The following CETN3 variants were observed in gnomAD, a reference collection of about 807,000 sequenced individuals.
CETN3 encodes centrin-3.
In CETN3, 17 loss-of-function variants were observed where a neutral mutation model predicts 20.1. That is an observed-to-expected ratio of 0.85 (90% CI 0.58 to 1.27). The LOEUF (loss-of-function observed/expected upper bound fraction) is 1.27. Among genes scored for constraint, CETN3 ranks in the 50% most tolerant of loss-of-function variants. The pLI is 0.00. For synonymous variants in CETN3, 52 were observed against 59.7 expected (o/e 0.87, Z 0.59); for missense variants, 169 against 191.2 (o/e 0.88, Z 0.69).
chr5:90,400,826 T>C (rs977058491), intron 3 of CETN3, among the ~76,000 whole-genome samples: 11 of 152,158 alleles, frequency 7.2e-5, no homozygotes, highest in Admixed American at 5.9e-4. Flanking sequence ...CTAATTGAAG[T>C]ATATTACTGT....
At chr5:90,403,333 T>C (rs756414161) in intron 3 of CETN3, among the ~76,000 whole-genome samples, 6 of 152,208 alleles carry the variant, frequency 3.9e-5, no homozygotes, top group Non-Finnish European at 7.3e-5. Flanking sequence ...AGTTCCTGAA[T>C]GATTCCCAAA....
intron 4 of CETN3, among the ~76,000 whole-genome samples, chr5:90,397,928 A>C (rs1749174301): frequency 6.6e-6 from 1 of 152,148 alleles, no homozygotes; most frequent in Non-Finnish European, 1.5e-5. Flanking sequence ...GCTAATATCC[A>C]ATATAGTAGC....
At chr5:90,407,446 T>C (rs974728093) in intron 2 of CETN3, among the ~76,000 whole-genome samples, 2 of 152,054 alleles carry the variant, frequency 1.3e-5, no homozygotes, top group Non-Finnish European at 2.9e-5. Flanking sequence ...CAGTGAAAAA[T>C]AAGCACCTTC....
At chr5:90,401,674 A>G (rs962614268) in intron 3 of CETN3, among the ~76,000 whole-genome samples, 15 of 152,286 alleles carry the variant, frequency 9.8e-5, no homozygotes, top group Non-Finnish European at 2.1e-4. Flanking sequence ...CCAGTTAGAC[A>G]TGTTGGACTC....
At chr5:90,396,493 C>A (rs1003813649) in intron 4 of CETN3, 15 of 1,532,048 alleles carry the variant, frequency 9.8e-6, no homozygotes, top group Non-Finnish European at 1.3e-5. Context: ...CAGTGTGCAC[C>A]TTCACTGAAG....
intron 2 of CETN3, among the ~76,000 whole-genome samples, chr5:90,406,356 G>A (rs998893014): frequency 2.0e-5 from 3 of 151,900 alleles, no homozygotes; most frequent in African/African-American, 7.2e-5. Flanking sequence ...AAGGATAGAT[G>A]AAGAGGAGCA....
At position 90,409,626 on chromosome 5, in the gene CETN3, C is replaced by T. The variant is rs1394608546; in HGVS notation, c.17+19G>A. ...CCGCTCCGGGGTGTGGAGAGCACTG[C>T]CGCCTCCTTATTACCGACCTCAGAG... On this transcript the variant is annotated intron_variant, in intron 1 of 4. Coordinates refer to ENST00000283122, the MANE Select transcript of CETN3 (RefSeq NM_004365.4). The T allele has an allele frequency of 6.2e-7, 1 of 1,613,972 alleles. No individual in the cohort carries two copies. The highest frequency in any genetic ancestry group is 8.5e-7 in the Non-Finnish European group (1 of 1,179,902).
chr5:90,396,147 G>T, intron 4 of CETN3: 2 of 983,592 alleles, frequency 2.0e-6, no homozygotes, highest in Non-Finnish European at 2.4e-6. Flanking sequence ...GCTGGGGTGG[G>T]AGAATACCAT....
At chr5:90,406,290 G>A (rs376969227) in intron 2 of CETN3, among the ~76,000 whole-genome samples, 1 of 151,990 alleles carries the variant, frequency 6.6e-6, no homozygotes. Context: ...TAATAAGGAA[G>A]GAGACATATT....
intron 4 of CETN3, chr5:90,396,300 T>G (rs554022596): frequency 1.0e-6 from 1 of 985,134 alleles, no homozygotes; most frequent in Non-Finnish European, 1.2e-6. Context: ...ATGACAAACA[T>G]GGTAAGAACG....
At chr5:90,394,927 G>A (rs921252600) in intron 4 of CETN3, among the ~76,000 whole-genome samples, 18 of 152,126 alleles carry the variant, frequency 1.2e-4, no homozygotes, top group Admixed American at 1.0e-3. Context: ...TAAGAAAAAT[G>A]TTCAGAAGAT....
chr5:90,407,014 C>T (rs1376987656), intron 2 of CETN3, among the ~76,000 whole-genome samples: 1 of 151,938 alleles, frequency 6.6e-6, no homozygotes, highest in African/African-American at 2.4e-5. Context: ...TACGAAATTA[C>T]AAAAATTAAA....
At chr5:90,403,516 C>G (rs564059669) in intron 3 of CETN3, among the ~76,000 whole-genome samples, 2 of 152,228 alleles carry the variant, frequency 1.3e-5, no homozygotes, top group South Asian at 4.1e-4. Context: ...TAACATAGAA[C>G]AGATGGGGTG....
Position 90,393,746 on chromosome 5 carries a change from A to G in CETN3, c.*318T>C, listed in dbSNP as rs1257819729. ...TAATAAAATAAATATTTTATTAACG[A>G]AAGTCTGGAAAATGTGTGCACTAAA... On this transcript the variant is annotated 3_prime_UTR_variant, in exon 5 of 5. Coordinates refer to ENST00000283122, the MANE Select transcript of CETN3 (RefSeq NM_004365.4). The G allele has an allele frequency of 5.7e-6, 1 of 174,132 alleles. No individual in the cohort carries two copies. The highest frequency in any genetic ancestry group is 1.2e-5 in the Non-Finnish European group (1 of 82,416). 10.8% of individuals were successfully genotyped at this position (174,132 alleles called of 1,614,324 possible). A position where few individuals can be genotyped will look rare whatever the true frequency, so the allele number is the denominator to read the frequency against.
At chr5:90,406,448 A>G (rs1187781649) in intron 2 of CETN3, among the ~76,000 whole-genome samples, 2 of 151,582 alleles carry the variant, frequency 1.3e-5, no homozygotes, top group Non-Finnish European at 3.0e-5. Context: ...AGAGCAGTTT[A>G]CCTCACCTGA....
intron 3 of CETN3, among the ~76,000 whole-genome samples, chr5:90,404,851 T>A: frequency 6.6e-6 from 1 of 150,980 alleles, no homozygotes. Flanking sequence ...GCTTATATCG[T>A]GACCCATTGG....
rs1031611926 is a variant in CETN3, at chr5:90,392,926, C to T, written c.*1138G>A. 4.6e-5 allele frequency: 7 copies of T among 152,070 alleles called. No individual in the cohort carries two copies. The highest frequency in any genetic ancestry group is 1.2e-4 in the African/African-American group (5 of 41,414). The allele number at this position is 152,070 out of a possible 1,614,324, so 9.4% of individuals were successfully genotyped here. ...CTTAAAAGGCTCACAACATTTAAAG[C>T]GCCTCAAATGATACTACACTTTAAA... On this transcript the variant is annotated 3_prime_UTR_variant, in exon 5 of 5. Transcript: ENST00000283122.
intron 4 of CETN3, among the ~76,000 whole-genome samples, chr5:90,398,595 A>C (rs1403651938): frequency 6.6e-6 from 1 of 152,194 alleles, no homozygotes; most frequent in Non-Finnish European, 1.5e-5. Context: ...ATGTTGACAA[A>C]ATGTGTACAT....
chr5:90,409,563 C>G, intron 1 of CETN3, 82 bp downstream of exon 1: 1 of 1,549,860 alleles, frequency 6.5e-7, no homozygotes, highest in Non-Finnish European at 8.9e-7. Flanking sequence ...CGCCTCGGCC[C>G]CAAACGTCCT....
Sources: allele counts gnomAD v4.1 joint callset (sites outside exome capture counted in the v4.1 genomes callset), GRCh38; gene constraint gnomAD v4.1.1; transcripts MANE v1.5; gene names NCBI Gene and HGNC (gene_info 2026-07-23, HGNC 2026-07-21).